TSHZ3: variants seen among roughly 807,000 people sequenced by gnomAD.
TSHZ3 encodes teashirt homolog 3.
A neutral mutation model predicts 64.5 loss-of-function variants in TSHZ3; 10 were observed. The ratio of observed to expected loss-of-function variants is 0.16; its 90% CI spans 0.10 to 0.26. TSHZ3 has a LOEUF of 0.26. Ranked by LOEUF, TSHZ3 falls within the 10% of genes least tolerant of loss-of-function variation. TSHZ3 has a pLI of 1.00. For missense variants in TSHZ3, 1,242 were observed against 1,421.7 expected (o/e 0.87, Z 2.03); for synonymous variants, 608 against 593.1 (o/e 1.03, Z -0.36).
At chr19:31,238,293 T>G (rs1309710459) in intron 3 of TSHZ3, among the ~76,000 whole-genome samples, 1 of 151,302 alleles carries the variant, frequency 6.6e-6, no homozygotes, top group Non-Finnish European at 1.5e-5. Context: ...TCTTGCTCTG[T>G]CACCCGGACT....
intron 1 of TSHZ3, among the ~76,000 whole-genome samples, chr19:31,298,515 TC>T (rs1169324485): frequency 1.3e-5 from 2 of 152,174 alleles, no homozygotes; most frequent in Non-Finnish European, 2.9e-5. Flanking sequence ...AAGCAGCATT[TC>T]CGTAAAGAAT....
chr19:31,282,056 T>C (rs1448539899), intron 1 of TSHZ3, among the ~76,000 whole-genome samples: 2 of 152,078 alleles, frequency 1.3e-5, no homozygotes, highest in African/African-American at 4.8e-5. Context: ...CTTATAATCC[T>C]CTCGGGGAAC....
Position 31,278,093 on chromosome 19 carries a change from G to A in TSHZ3, c.1700C>T (p.Ser567Leu), listed in dbSNP as rs760259524. The A allele has an allele frequency of 2.6e-5, 42 of 1,614,016 alleles. No homozygotes were observed. The highest frequency in any genetic ancestry group is 1.8e-4 in the South Asian group (16 of 91,084). The change falls in exon 2 of 2, where the codon TCG (serine) becomes TTG (leucine). Residue 567 changes from serine to leucine, a missense_variant. Ser to Leu is a moderately radical substitution (Grantham distance 145). Around this residue, in one of 4 missense-constraint regions of TSHZ3, gnomAD observed 550 missense variants for 545.1 expected, o/e 1.01. Coordinates refer to ENST00000240587, the MANE Select transcript of TSHZ3 (RefSeq NM_020856.4). This position sits in a 1 kb window ranked among gnomAD's most constrained non-coding sequence, Gnocchi z 4.7. ...GGGTTTCAGGGGCGTGCTCTTCCCC[G>A]ACGAGCCCAGGGACAACTTCATCAT... ...PNMMKLSLGS[S>L]GKSTPLKPMF...
chr19:31,314,976 G>T (rs968147433), intron 1 of TSHZ3, among the ~76,000 whole-genome samples: 1 of 152,194 alleles, frequency 6.6e-6, no homozygotes, highest in South Asian at 2.1e-4. Flanking sequence ...CTACAGATGC[G>T]TGCTGGACAG....
At chr19:31,214,196 C>A (rs1398900556) in intron 4 of TSHZ3, among the ~76,000 whole-genome samples, 1 of 152,208 alleles carries the variant, frequency 6.6e-6, no homozygotes, top group African/African-American at 2.4e-5. Context: ...GCGCACTCTC[C>A]GTCATTCATG....
chr19:31,225,965 A>G (rs1035208588), intron 4 of TSHZ3, among the ~76,000 whole-genome samples: 12 of 151,988 alleles, frequency 7.9e-5, no homozygotes, highest in Non-Finnish European at 1.6e-4. Flanking sequence ...TGCCTTTACT[A>G]AAAATACAAA....
intron 4 of TSHZ3, among the ~76,000 whole-genome samples, chr19:31,217,763 A>C (rs1425952811): frequency 1.3e-5 from 2 of 152,154 alleles, no homozygotes; most frequent in Admixed American, 1.3e-4. Context: ...AGTGTATAGA[A>C]TCCTACAAAG....
At chr19:31,185,601 T>C (rs193073051) in intron 5 of TSHZ3, among the ~76,000 whole-genome samples, 3 of 152,310 alleles carry the variant, frequency 2.0e-5, no homozygotes, top group African/African-American at 7.2e-5. Context: ...TGTCTATTTG[T>C]TACATGATTA....
intron 4 of TSHZ3, among the ~76,000 whole-genome samples, chr19:31,218,852 T>C (rs1975365283): frequency 6.6e-6 from 1 of 152,220 alleles, no homozygotes; most frequent in Admixed American, 6.5e-5. Context: ...AAATTTGTTA[T>C]AACATTATTT....
At chr19:31,271,548 G>A (rs527582766), downstream of TSHZ3, among the ~76,000 whole-genome samples, 107 of 152,190 alleles carry the variant, frequency 7.0e-4, no homozygotes, top group Non-Finnish European at 1.2e-3. Context: ...AAGACAGAGC[G>A]CTGAAGCCCT....
At chr19:31,233,935 C>CAAAA (rs35438995) in intron 3 of TSHZ3, among the ~76,000 whole-genome samples, 1 of 118,196 alleles carries the variant, frequency 8.5e-6, no homozygotes, top group African/African-American at 3.2e-5. Flanking sequence ...TAATTCCTAC[C>CAAAA]AAAAAAAAAA....
chr19:31,264,898 T>C (rs1415690193), intron 1 of TSHZ3, among the ~76,000 whole-genome samples: 3 of 152,086 alleles, frequency 2.0e-5, no homozygotes, highest in Non-Finnish European at 4.4e-5. Context: ...TAACAGGGTA[T>C]AGGAAGTCAT....
At chr19:31,307,671 C>A (rs1018506198) in intron 1 of TSHZ3, among the ~76,000 whole-genome samples, 4 of 152,182 alleles carry the variant, frequency 2.6e-5, no homozygotes, top group African/African-American at 9.7e-5. Flanking sequence ...GAAATAATAG[C>A]CATTTCCAAT....
chr19:31,318,879 C>CTTGTG (rs1916683515), intron 1 of TSHZ3, among the ~76,000 whole-genome samples: 3 of 152,192 alleles, frequency 2.0e-5, no homozygotes, highest in African/African-American at 7.2e-5. Flanking sequence ...GTCACCAATA[C>CTTGTG]TGTGGCAAAC....
At chr19:31,254,564 G>T (rs1281471232) in intron 1 of TSHZ3, among the ~76,000 whole-genome samples, 1 of 152,222 alleles carries the variant, frequency 6.6e-6, no homozygotes, top group African/African-American at 2.4e-5. Context: ...CACAATGGAT[G>T]CATTTCTGAG....
chr19:31,340,474 CAA>C (rs1235262167), intron 1 of TSHZ3, among the ~76,000 whole-genome samples: 1 of 136,826 alleles, frequency 7.3e-6, no homozygotes, highest in Non-Finnish European at 1.5e-5. Context: ...GAACATGAAA[CAA>C]GAGAGACGCA....
chr19:31,204,528 C>A (rs1975137355), intron 5 of TSHZ3, among the ~76,000 whole-genome samples: 1 of 152,148 alleles, frequency 6.6e-6, no homozygotes, highest in Non-Finnish European at 1.5e-5. Flanking sequence ...TCCACTGTAG[C>A]AAATTTCATT....
intron 5 of TSHZ3, among the ~76,000 whole-genome samples, chr19:31,166,058 C>T (rs534898466): frequency 2.0e-5 from 3 of 152,282 alleles, no homozygotes; most frequent in East Asian, 3.9e-4. Context: ...CCATTAAACG[C>T]TTTATTACAG....
chr19:31,213,599 G>T (rs1486082601), intron 4 of TSHZ3, among the ~76,000 whole-genome samples: 1 of 152,142 alleles, frequency 6.6e-6, no homozygotes, highest in Non-Finnish European at 1.5e-5. Context: ...AGGTTCCTCA[G>T]TTGTAACAAA....
Sources: gnomAD v4.1 joint callset for allele counts (sites outside exome capture counted in the v4.1 genomes callset) on GRCh38, gnomAD v4.1.1 for gene constraint, gnomAD v4.1.1 regional missense constraint, Gnocchi (gnomAD v3.1) non-coding constraint, MANE v1.5 for transcripts, NCBI Gene and HGNC (gene_info 2026-07-23, HGNC 2026-07-21) for gene names.